Variants in TMEM268 observed in about 807,000 individuals in gnomAD.
The protein encoded by TMEM268 is transmembrane protein 268.
In TMEM268, 24 loss-of-function variants were observed where a neutral mutation model predicts 39.1. The observed-to-expected ratio is 0.61, with a 90% CI of 0.44 to 0.86. The LOEUF (loss-of-function observed/expected upper bound fraction) is 0.86. Among genes scored for constraint, TMEM268 ranks in the 40% least tolerant of loss-of-function variants. The pLI is 0.00. For synonymous variants in TMEM268, 176 were observed against 173.5 expected (o/e 1.01, Z -0.12); for missense variants, 409 against 428.6 (o/e 0.95, Z 0.40).
At chr9:114,641,649 T>G (rs1827342709) in intron 8 of TMEM268, among the ~76,000 whole-genome samples, 1 of 152,178 alleles carries the variant, frequency 6.6e-6, no homozygotes, top group South Asian at 2.1e-4. Flanking sequence ...ATGTCTTTTT[T>G]TTTTGAAACG....
chr9:114,634,688 G>A (rs762432834), intron 6 of TMEM268, among the ~76,000 whole-genome samples: 4 of 152,178 alleles, frequency 2.6e-5, no homozygotes, highest in Admixed American at 6.5e-5. Flanking sequence ...GTGCACGGGG[G>A]ACCTGGGAAG....
At chr9:114,604,094 C>A in the TMEM268 span, among the ~76,000 whole-genome samples, 2 of 151,756 alleles carry the variant, frequency 1.3e-5, no homozygotes, top group Non-Finnish European at 2.9e-5. Context: ...AGCCAAGATT[C>A]AAACTTGCAA....
At chr9:114,642,760 T>C (rs1827410619) in intron 8 of TMEM268, among the ~76,000 whole-genome samples, 1 of 152,120 alleles carries the variant, frequency 6.6e-6, no homozygotes, top group African/African-American at 2.4e-5. Context: ...GGATTACAGG[T>C]TTGAACAACC....
chr9:114,614,689 A>G (rs891687126), intron 1 of TMEM268, among the ~76,000 whole-genome samples: 11 of 152,190 alleles, frequency 7.2e-5, no homozygotes, highest in African/African-American at 1.7e-4. Flanking sequence ...AGACGATTCT[A>G]GTAGACCTTT....
Position 114,646,179 on chromosome 9 carries a change from A to G in TMEM268, c.*2866A>G, listed in dbSNP as rs1827562049. The stretch of plus-strand genomic sequence containing the variant: ...TGGTGTAGGCAGTGCAATGTCTTCG[A>G]GTGAGAGTGAAGGTGGTAACTCATT... On this transcript the variant is annotated 3_prime_UTR_variant, in exon 9 of 9. Coordinates refer to ENST00000288502, the MANE Select transcript of TMEM268 (RefSeq NM_153045.4). The G allele has an allele frequency of 6.6e-6, 1 of 152,138 alleles. No homozygotes were observed. The highest frequency in any genetic ancestry group is 2.1e-4 in the South Asian group (1 of 4,830). 9.4% of individuals were successfully genotyped at this position (152,138 alleles called of 1,614,324 possible). A position where few individuals can be genotyped will look rare whatever the true frequency, so the allele number is the denominator to read the frequency against.
At chr9:114,641,541 C>T (rs1334221126) in intron 8 of TMEM268, among the ~76,000 whole-genome samples, 1 of 152,206 alleles carries the variant, frequency 6.6e-6, no homozygotes, top group Admixed American at 6.5e-5. Flanking sequence ...GCATTAAGGC[C>T]TAGCGCCGTG....
chr9:114,631,388 C>T (rs7047560), intron 5 of TMEM268, among the ~76,000 whole-genome samples: 104,426 of 151,536 alleles, frequency 0.69, 36,109 homozygotes, highest in East Asian at 0.73. Context: ...CAAATATTTG[C>T]GGCTAATATG....
chr9:114,618,316 C>T (rs928980718), intron 2 of TMEM268, among the ~76,000 whole-genome samples: 1 of 152,220 alleles, frequency 6.6e-6, no homozygotes, highest in African/African-American at 2.4e-5. Flanking sequence ...CCTGCATTCC[C>T]TTCTGCCTGT....
chr9:114,625,973 C>T (rs576845268), intron 3 of TMEM268, among the ~76,000 whole-genome samples: 1 of 151,714 alleles, frequency 6.6e-6, no homozygotes, highest in Admixed American at 6.6e-5. Context: ...ATTACAGGCA[C>T]GTGCCACCAT....
intron 7 of TMEM268, among the ~76,000 whole-genome samples, chr9:114,637,288 CTTTTTT>C (rs33946644): frequency 7.1e-5 from 9 of 127,318 alleles, no homozygotes; most frequent in Admixed American, 4.0e-4. Context: ...TATATTTCTT[CTTTTTT>C]TTTTTTTTTT....
At chr9:114,608,807 GATAA>G (rs566645245), upstream of TMEM268, among the ~76,000 whole-genome samples, 40 of 152,222 alleles carry the variant, frequency 2.6e-4, no homozygotes, top group East Asian at 3.9e-3. Flanking sequence ...TCCATTTGTG[GATAA>G]ATAAATGAAT....
intron 1 of TMEM268, among the ~76,000 whole-genome samples, chr9:114,614,486 T>C (rs1041860183): frequency 1.3e-5 from 2 of 152,194 alleles, no homozygotes; most frequent in Non-Finnish European, 2.9e-5. Context: ...TCATTTCGCA[T>C]TGGGCCCATT....
intron 2 of TMEM268, among the ~76,000 whole-genome samples, chr9:114,623,201 A>C (rs560398830): frequency 6.6e-6 from 1 of 151,934 alleles, no homozygotes; most frequent in Admixed American, 6.6e-5. Context: ...CCCAGGCTGG[A>C]GTGTAATGGC....
At chr9:114,612,859 G>C in intron 1 of TMEM268, among the ~76,000 whole-genome samples, 1 of 152,228 alleles carries the variant, frequency 6.6e-6, no homozygotes, top group East Asian at 1.9e-4. Flanking sequence ...AGGGAGGGCT[G>C]AGTAGGAACT....
intron 2 of TMEM268, chr9:114,622,234 G>A: frequency 1.0e-6 from 1 of 985,430 alleles, no homozygotes; most frequent in Non-Finnish European, 1.2e-6. Flanking sequence ...TGGGGTGACA[G>A]GAGTTTTGGA....
chr9:114,627,045 C>A, intron 4 of TMEM268, 39 bp downstream of exon 4: 1 of 1,399,398 alleles, frequency 7.1e-7, no homozygotes, highest in Non-Finnish European at 1.0e-6. Flanking sequence ...CCTGCCCTGA[C>A]AGCTTATGGC....
At chr9:114,613,205 G>C (rs1041115173) in intron 1 of TMEM268, among the ~76,000 whole-genome samples, 35 of 152,332 alleles carry the variant, frequency 2.3e-4, no homozygotes, top group African/African-American at 7.5e-4. Context: ...CTGCTGATTA[G>C]TACTTTGTGA....
chr9:114,629,777 C>A, intron 5 of TMEM268, among the ~76,000 whole-genome samples: 1 of 152,210 alleles, frequency 6.6e-6, no homozygotes, highest in East Asian at 1.9e-4. Flanking sequence ...AAATGTAAAT[C>A]AGCATTTGGG....
rs147417909 is a variant in TMEM268 at position 114,638,431 on chromosome 9, A to G, written c.667-113A>G. On this transcript the variant is annotated intron_variant, in intron 7 of 8. Coordinates refer to ENST00000288502, the MANE Select transcript of TMEM268 (RefSeq NM_153045.4). ...GCGACCAGCTTTTTCTGAGGTCATC[A>G]TCTGAGTCTGAGACCTCATCTTCTG... The G allele has an allele frequency of 3.4e-5, 24 of 703,952 alleles. No homozygotes were observed. The African/African-American group carries it at 4.1e-4, about 12-fold the overall frequency. 43.6% of individuals were successfully genotyped at this position (703,952 alleles called of 1,614,324 possible).
Sources: allele counts gnomAD v4.1 joint callset (sites outside exome capture counted in the v4.1 genomes callset), GRCh38; gene constraint gnomAD v4.1.1; transcripts MANE v1.5; gene names NCBI Gene and HGNC (gene_info 2026-07-23, HGNC 2026-07-21).